The following ADGRG4 variants were observed in gnomAD, a reference collection of about 807,000 sequenced individuals.
The protein encoded by ADGRG4 is adhesion G protein-coupled receptor G4, also known as G protein-coupled receptor 112.
ADGRG4 carries 122 observed loss-of-function variants against 126.2 expected under a neutral mutation model. That is an observed-to-expected ratio of 0.97 (90% confidence interval 0.83 to 1.12). The LOEUF is 1.12. Ranked by LOEUF, ADGRG4 falls within the 50% of genes most tolerant of loss-of-function variation. ADGRG4 has a pLI of 0.00. For synonymous variants in ADGRG4, 943 were observed against 838.7 expected, an observed-to-expected ratio of 1.12 and a Z score of -2.15; for missense variants, 2,481 against 2,251.8, an observed-to-expected ratio of 1.10 and a Z score of -2.06.
chrX:136,352,809 C>T (rs761262991), intron 7 of ADGRG4, among the ~76,000 whole-genome samples: 3 of 112,011 alleles, frequency 2.7e-5, no homozygotes, highest in African/African-American at 9.7e-5. Flanking sequence ...TTAGTCTACT[C>T]AGGCTACCAT....
chrX:136,387,092 T>C (rs1227783575), intron 15 of ADGRG4, among the ~76,000 whole-genome samples: 1 of 111,700 alleles, frequency 9.0e-6, no homozygotes, highest in African/African-American at 3.3e-5. Context: ...TTGGCATTAA[T>C]CCATTCAACA....
chrX:136,368,487 A>T (rs183489197), intron 13 of ADGRG4, among the ~76,000 whole-genome samples: 52 of 111,482 alleles, frequency 4.7e-4, no homozygotes, highest in African/African-American at 1.7e-3. Flanking sequence ...CTCTTGGTAC[A>T]CTCTCATTTG....
chrX:136,306,528 T>C (rs1362716570), intron 3 of ADGRG4, among the ~76,000 whole-genome samples: 2 of 110,577 alleles, frequency 1.8e-5, no homozygotes, highest in Non-Finnish European at 3.8e-5. Flanking sequence ...CCTTCCTATC[T>C]TCCTTACCTT....
chrX:136,356,909 G>A (rs1232870161), intron 9 of ADGRG4, among the ~76,000 whole-genome samples: 5 of 111,427 alleles, frequency 4.5e-5, no homozygotes, highest in Admixed American at 9.5e-5. Flanking sequence ...AGGCTGAGGC[G>A]GGGGGATCAC....
intron 12 of ADGRG4, among the ~76,000 whole-genome samples, chrX:136,362,420 A>G (rs956498949): frequency 4.5e-5 from 5 of 111,343 alleles, no homozygotes; most frequent in Admixed American, 9.6e-5. Context: ...CTAACTTAAC[A>G]GTATCCCTTA....
chrX:136,322,032 A>G lies in ADGRG4; in HGVS notation c.71-746A>G, dbSNP rs190421168. Among the ~76,000 whole-genome samples, 9 of 111,599 alleles carry G rather than the reference A, an allele frequency of 8.1e-5. No homozygotes were observed. The East Asian group carries it at 2.5e-3, about 32-fold the overall frequency. On this transcript the variant is annotated intron_variant, in intron 4 of 25. Transcript: ENST00000394143. ...TTACTTGCTCAAAGTTCCACAGCTG[A>G]TGAGTGTCAGGGCATGGATTTCAAC... is the stretch of plus-strand genomic sequence containing the variant.
At chrX:136,380,604 C>CTCCTCTTCTTCT (rs2075255832) in intron 15 of ADGRG4, among the ~76,000 whole-genome samples, 1 of 55,359 alleles carries the variant, frequency 1.8e-5, no homozygotes, top group Non-Finnish European at 3.5e-5. Flanking sequence ...CCTCCTCCTC[C>CTCCTCTTCTTCT]TCTTCTTCTT....
intron 13 of ADGRG4, among the ~76,000 whole-genome samples, chrX:136,370,699 T>C (rs2075187214): frequency 1.8e-5 from 2 of 111,808 alleles, no homozygotes; most frequent in Non-Finnish European, 3.8e-5. Flanking sequence ...TATCCATTCA[T>C]TGACACTTGT....
intron 6 of ADGRG4, among the ~76,000 whole-genome samples, 175 bp downstream of exon 6, chrX:136,350,608 T>C (rs2075056299): frequency 8.9e-6 from 1 of 112,207 alleles, no homozygotes. Flanking sequence ...TACAAAATTC[T>C]CTAGCCATCT....
rs148464963 is a variant in ADGRG4, at chrX:136,317,193, G to A, written c.71-5585G>A. Among the ~76,000 whole-genome samples, 2,204 of 111,191 alleles carry A rather than the reference G, an allele frequency of 0.02. 131 individuals carry two copies. In the East Asian group the frequency reaches 0.25, roughly 13 times the overall value. On this transcript the variant is annotated intron_variant, in intron 4 of 25. Transcript: ENST00000394143. ...TCTTCACGACCTTTGGTTTGGCAAT[G>A]GATTCTTAGAAATGACACCAAAAGC...
intron 5 of ADGRG4, among the ~76,000 whole-genome samples, chrX:136,325,165 A>G (rs2074864500): frequency 1.8e-5 from 2 of 111,811 alleles, no homozygotes; most frequent in African/African-American, 6.5e-5. Flanking sequence ...AAGGAGTATT[A>G]TTGACTGTTG....
At chrX:136,374,078 C>T (rs962786516) in intron 15 of ADGRG4, among the ~76,000 whole-genome samples, 3 of 111,791 alleles carry the variant, frequency 2.7e-5, no homozygotes, top group African/African-American at 3.3e-5. Flanking sequence ...TATTTTTCTG[C>T]GATAGTTTTT....
rs2148473301 is a variant in ADGRG4 at position 136,356,108 on chromosome X, G to A, written c.6888-18G>A. On this transcript the variant is annotated intron_variant, in intron 8 of 25. Coordinates refer to ENST00000394143, the MANE Select transcript of ADGRG4 (RefSeq NM_153834.4). ...CTATATTTCATTTTCCTATAATTTT[G>A]TAATGCTTTTGATACAGGGACATTT... 1 of 1,155,674 alleles carries A rather than the reference G, an allele frequency of 8.7e-7. No homozygotes were observed. Among genetic ancestry groups the A allele is most frequent in the Non-Finnish European group, 1.2e-6 (1 of 849,210 alleles).
intron 8 of ADGRG4, among the ~76,000 whole-genome samples, chrX:136,354,186 A>G (rs1362035107): frequency 8.9e-6 from 1 of 112,340 alleles, no homozygotes; most frequent in Non-Finnish European, 1.9e-5. Flanking sequence ...AAATTCATAT[A>G]AATGAATGGA....
rs1226274102 is a variant in ADGRG4 at position 136,348,835 on chromosome X, A to T, written c.5129A>T (p.Asp1710Val). ...GCAACTCAACAGTCATCACAAGCAG[A>T]TGAGGCTACAACTTTGGGCATATTA... ...LSATQQSSQA[D>V]EATTLGILSG... The change falls in exon 6 of 26, where the codon GAT becomes GTT. Residue 1710 changes from aspartate to valine, a missense_variant. By Grantham distance (152) the Asp-to-Val change is radical (BLOSUM62 -3). Coordinates refer to ENST00000394143, the MANE Select transcript of ADGRG4 (RefSeq NM_153834.4). 1 of 1,209,677 alleles carries T rather than the reference A, an allele frequency of 8.3e-7. No homozygotes were observed. Among genetic ancestry groups the T allele is most frequent in the Admixed American group, 2.2e-5 (1 of 45,682 alleles).
chrX:136,320,487 GC>G (rs2074833129), intron 4 of ADGRG4, among the ~76,000 whole-genome samples: 1 of 112,240 alleles, frequency 8.9e-6, no homozygotes, highest in Admixed American at 9.5e-5. Flanking sequence ...AACCAAGTAG[GC>G]AAAAATGGTG....
intron 4 of ADGRG4, among the ~76,000 whole-genome samples, chrX:136,311,394 TACACACACACACAC>T (rs72201867): frequency 1.0e-5 from 1 of 95,633 alleles, no homozygotes; most frequent in African/African-American, 3.9e-5. Context: ...TCATACCATG[TACACACACACACAC>T]ACACACACAC....
Position 136,333,605 on chromosome X carries a change from C to T in ADGRG4, c.685+10213C>T, listed in dbSNP as rs1182420342. ...CGATCTCAGCTCACTGCAACTTCCA[C>T]CTCCTGGATTCAAGTGATTCATGTG... On this transcript the variant is annotated intron_variant, in intron 5 of 25. Transcript: ENST00000394143. Among the ~76,000 whole-genome samples the T allele has an allele frequency of 2.7e-5, 3 of 111,749 alleles. 1 individual carries two copies. Among genetic ancestry groups the T allele is most frequent in the African/African-American group, 9.8e-5 (3 of 30,712 alleles).
chrX:136,377,541 T>C (rs1320726689), intron 15 of ADGRG4, among the ~76,000 whole-genome samples: 1 of 111,896 alleles, frequency 8.9e-6, no homozygotes, highest in Non-Finnish European at 1.9e-5. Context: ...TGTTTTCTTT[T>C]ATGAATAACC....
Sources: gnomAD v4.1 joint callset for allele counts (sites outside exome capture counted in the v4.1 genomes callset) on GRCh38, gnomAD v4.1.1 for gene constraint, MANE v1.5 for transcripts, NCBI Gene and HGNC (gene_info 2026-07-23, HGNC 2026-07-21) for gene names.